The following DPP6 variants were observed in gnomAD, a reference collection of about 807,000 sequenced individuals.
DPP6 encodes A-type potassium channel modulatory protein DPP6.
Under a neutral mutation model 122.6 loss-of-function variants are expected in DPP6, and 69 were observed. That is an observed-to-expected ratio of 0.56 (90% CI 0.46 to 0.69). The LOEUF is 0.69. Ranked by LOEUF, DPP6 falls within the 30% of genes least tolerant of loss-of-function variation. The probability of loss-of-function intolerance (pLI) is 0.00; values close to 1 mark genes in which losing one functional copy is unlikely to be tolerated. For synonymous variants in DPP6, 418 were observed against 433.1 expected (o/e 0.97, Z 0.43); for missense variants, 928 against 1,116.9 (o/e 0.83, Z 2.41).
chr7:153,916,709 C>CT (rs1462783267), intron 1 of DPP6, among the ~76,000 whole-genome samples: 6 of 152,088 alleles, frequency 3.9e-5, no homozygotes, highest in Non-Finnish European at 7.4e-5. Context: ...ACCCGGCCTT[C>CT]TTTTTTATTT....
chr7:154,837,309 A>G (rs562209085), intron 16 of DPP6, among the ~76,000 whole-genome samples: 4 of 152,020 alleles, frequency 2.6e-5, no homozygotes, highest in African/African-American at 9.7e-5. Flanking sequence ...GCACACATGC[A>G]CACAAACACA....
At chr7:154,761,329 C>A (rs868159835) in intron 8 of DPP6, among the ~76,000 whole-genome samples, 46 of 152,184 alleles carry the variant, frequency 3.0e-4, no homozygotes, top group Non-Finnish European at 4.1e-4. Flanking sequence ...CTAGATGAGG[C>A]CTGCTCTGTG....
chr7:154,785,373 A>G (rs1563207914), intron 10 of DPP6, among the ~76,000 whole-genome samples: 1 of 152,198 alleles, frequency 6.6e-6, no homozygotes, highest in African/African-American at 2.4e-5. Flanking sequence ...CACTGTTTTT[A>G]AATGAATTTT....
intron 3 of DPP6, among the ~76,000 whole-genome samples, chr7:154,495,908 A>G (rs1321776313): frequency 6.6e-6 from 1 of 152,188 alleles, no homozygotes; most frequent in South Asian, 2.1e-4. Context: ...ACAGCAGTGC[A>G]TTGAGCCAGG....
chr7:153,950,226 G>C (rs769639505), intron 1 of DPP6, among the ~76,000 whole-genome samples: 2 of 152,094 alleles, frequency 1.3e-5, no homozygotes, highest in African/African-American at 2.4e-5. Flanking sequence ...AAACACTGAG[G>C]CTTCTGGGTT....
At chr7:154,227,691 T>C (rs2150843275) in intron 1 of DPP6, among the ~76,000 whole-genome samples, 1 of 147,512 alleles carries the variant, frequency 6.8e-6, no homozygotes, top group Non-Finnish European at 1.5e-5. Context: ...GACATCCTCC[T>C]GGACTTTACT....
At chr7:154,730,072 T>C (rs1842264244) in intron 8 of DPP6, among the ~76,000 whole-genome samples, 1 of 152,156 alleles carries the variant, frequency 6.6e-6, no homozygotes, top group South Asian at 2.1e-4. Context: ...CCCCCTGGAC[T>C]CAGTAGACTG....
intron 17 of DPP6, among the ~76,000 whole-genome samples, chr7:154,859,449 C>T (rs187435196): frequency 9.2e-5 from 14 of 152,342 alleles, no homozygotes; most frequent in African/African-American, 3.1e-4. Flanking sequence ...GCAAAGGGGG[C>T]TCTGGAAGGC....
chr7:153,866,023 G>C, the DPP6 span, among the ~76,000 whole-genome samples: 1 of 152,116 alleles, frequency 6.6e-6, no homozygotes, highest in East Asian at 1.9e-4. Flanking sequence ...TGGTGTATAT[G>C]TGCCACATTT....
Position 154,004,236 on chromosome 7 carries a change from G to A in DPP6, c.51+116502G>A, listed in dbSNP as rs71540582. 3.9e-3 allele frequency among the ~76,000 whole-genome samples: 592 copies of A among 152,110 alleles called. 2 individuals carry two copies. The highest frequency in any genetic ancestry group is 0.013 in the African/African-American group (545 of 41,436). ...ATAATTTTTGAAATTGTTTTCTGTC[G>A]TCAGTTAGTAAATCAATCAACATTT... On this transcript the variant is annotated intron_variant, in intron 1 of 25. Coordinates refer to the DPP6 transcript ENST00000404039.
intron 1 of DPP6, among the ~76,000 whole-genome samples, chr7:153,898,829 A>G (rs1351733218): frequency 6.6e-6 from 1 of 152,172 alleles, no homozygotes; most frequent in Admixed American, 6.5e-5. Context: ...ACTTACCACC[A>G]TCTAAGTTTG....
chr7:154,585,008 C>T (rs1319611384), intron 5 of DPP6, among the ~76,000 whole-genome samples: 1 of 152,190 alleles, frequency 6.6e-6, no homozygotes, highest in Non-Finnish European at 1.5e-5. Flanking sequence ...ACCATCACCA[C>T]AAATTGGGAT....
At chr7:154,818,212 G>A (rs970665299) in intron 16 of DPP6, among the ~76,000 whole-genome samples, 3 of 152,138 alleles carry the variant, frequency 2.0e-5, no homozygotes, top group East Asian at 1.9e-4. Context: ...ATTGAGACTC[G>A]GTTACCTGAA....
intron 6 of DPP6, among the ~76,000 whole-genome samples, chr7:154,641,940 C>T (rs527814734): frequency 1.3e-5 from 2 of 152,190 alleles, no homozygotes; most frequent in South Asian, 2.1e-4. Context: ...TTTCAGGCAC[C>T]AAACAAAACT....
At chr7:154,699,211 C>A (rs1188880737) in intron 7 of DPP6, among the ~76,000 whole-genome samples, 2 of 152,214 alleles carry the variant, frequency 1.3e-5, no homozygotes, top group Non-Finnish European at 2.9e-5. Context: ...TAGCATTTTA[C>A]TCTTGCTAGA....
rs1350390556 is a variant in DPP6 at position 154,637,803 on chromosome 7, C to A, written c.628-18C>A. 1.3e-6 allele frequency: 2 copies of A among 1,557,356 alleles called. No individual in the cohort carries two copies. The highest frequency in any genetic ancestry group is 1.4e-5 in the African/African-American group (1 of 73,612). ...CTTTGTCTCAATGCCTACCTTTTTT[C>A]CTTTTTGTCTGTTGCAGATATATCA... On this transcript the variant is annotated intron_variant, in intron 5 of 25. Transcript: ENST00000377770.
intron 3 of DPP6, among the ~76,000 whole-genome samples, chr7:154,514,436 A>T (rs757219953): frequency 2.6e-5 from 4 of 152,056 alleles, no homozygotes; most frequent in Non-Finnish European, 4.4e-5. Flanking sequence ...ACCATGTAAA[A>T]GTATATACTT....
At chr7:154,106,547 C>T (rs1390843753) in intron 1 of DPP6, among the ~76,000 whole-genome samples, 1 of 139,056 alleles carries the variant, frequency 7.2e-6, no homozygotes, top group African/African-American at 2.8e-5. Flanking sequence ...AGGTAAGAGG[C>T]AGTGGGTAGA....
At chr7:154,690,793 C>T (rs1400836471) in intron 7 of DPP6, among the ~76,000 whole-genome samples, 2 of 152,162 alleles carry the variant, frequency 1.3e-5, no homozygotes, top group African/African-American at 4.8e-5. Context: ...AAAACCCTGG[C>T]TTTATTTGCC....
Sources: gnomAD v4.1 joint callset for allele counts (sites outside exome capture counted in the v4.1 genomes callset) on GRCh38, gnomAD v4.1.1 for gene constraint, MANE v1.5 for transcripts, NCBI Gene and HGNC (gene_info 2026-07-23, HGNC 2026-07-21) for gene names.